Variants in DNAH2 observed in about 807,000 individuals in gnomAD.
DNAH2 encodes axonemal beta dynein heavy chain 2.
In DNAH2, 323 loss-of-function variants were observed where a neutral mutation model predicts 523.5. That is an observed-to-expected ratio of 0.62 (90% CI 0.56 to 0.68). The LOEUF (loss-of-function observed/expected upper bound fraction) is 0.68, where lower values mean the gene tolerates loss of function less well. DNAH2 is among the 30% of genes least tolerant of loss of function. The pLI, the probability that DNAH2 is intolerant of heterozygous loss-of-function variation, is 0.00. For synonymous variants in DNAH2, 2,093 were observed against 2,177.4 expected (o/e 0.96, Z 1.08); for missense variants, 4,907 against 5,701.5 (o/e 0.86, Z 4.49).
chr17:7,757,934 T>C (rs985984534), intron 13 of DNAH2, among the ~76,000 whole-genome samples: 1 of 152,194 alleles, frequency 6.6e-6, no homozygotes, highest in African/African-American at 2.4e-5. Flanking sequence ...CTTCATGACC[T>C]AATCACCTCC....
chr17:7,761,022 G>A, intron 18 of DNAH2, 90 bp downstream of exon 18: 2 of 1,497,858 alleles, frequency 1.3e-6, no homozygotes, highest in Admixed American at 2.0e-5. Flanking sequence ...AAGTGGGTAG[G>A]GGAGCTGAGG....
intron 63 of DNAH2, among the ~76,000 whole-genome samples, chr17:7,813,295 G>A (rs1355716829): frequency 6.6e-6 from 1 of 151,274 alleles, no homozygotes; most frequent in Admixed American, 6.6e-5. Context: ...GGGTCTTGCT[G>A]TGCTGCTACG....
Position 7,833,071 on chromosome 17 carries a change from G to T in DNAH2, c.12979G>T (p.Asp4327Tyr). The change falls in exon 85 of 86, where the codon GAT (aspartate) becomes TAT (tyrosine). Residue 4327 changes from aspartate (D) to tyrosine (Y), a missense_variant and splice_region_variant. Physicochemically the swap from Asp to Tyr is radical, Grantham distance 160. Around this residue, in one of 3 missense-constraint regions of DNAH2, gnomAD observed 1,851 missense variants for 2,139.4 expected, o/e 0.87. Coordinates refer to ENST00000572933, the MANE Select transcript of DNAH2 (RefSeq NM_020877.5). ...DDSNLVYPPK[D>Y]GVWVRGLYLE... ...CAGACCTGCTCCCATTTCTCCCCAG[G>T]ATGGTGTCTGGGTCCGGGGCCTGTA... is the stretch of plus-strand genomic sequence containing the variant. 6.2e-7 allele frequency: 1 copy of T among 1,613,476 alleles called. No individual in the cohort carries two copies. The highest frequency in any genetic ancestry group is 8.5e-7 in the Non-Finnish European group (1 of 1,180,040).
rs138674607 is a variant in DNAH2, at chr17:7,808,892, G to A, written c.9729+1306G>A. On this transcript the variant is annotated intron_variant, in intron 63 of 85. Transcript: ENST00000572933. Reference sequence around the variant, plus strand: ...CTCAAAGTGCTGGGATTACAGGCATGAGCCACTGCCCCCAGCCTGCACCTT... The same window carrying A: ...CTCAAAGTGCTGGGATTACAGGCATAAGCCACTGCCCCCAGCCTGCACCTT... Among the ~76,000 whole-genome samples, 4 of 152,354 alleles carry A rather than the reference G, an allele frequency of 2.6e-5. No homozygotes were observed. The East Asian group carries it at 7.7e-4, about 29-fold the overall frequency.
At position 7,774,845 on chromosome 17, in the gene DNAH2, A is replaced by G. The variant is rs1265223044; in HGVS notation, c.4588A>G (p.Ile1530Val). 1 of 1,614,166 alleles carries G rather than the reference A, an allele frequency of 6.2e-7. No homozygotes were observed. Among genetic ancestry groups the G allele is most frequent in the South Asian group, 1.1e-5 (1 of 91,080 alleles). ...TATGTATTTAGAGACCAAGCGACAT[A>G]TTTTCCCCCGCTTCTACTTCTTGTC... ...LDMYLETKRH[I>V]FPRFYFLSND... The change falls in exon 29 of 86, where the codon ATT (isoleucine) becomes GTT (valine). Residue 1530 changes from isoleucine (I) to valine (V), a missense_variant. By Grantham distance (29) the Ile-to-Val change is conservative. Transcript: ENST00000572933.
At chr17:7,764,930 C>T (rs1360732216) in intron 20 of DNAH2, among the ~76,000 whole-genome samples, 1 of 147,994 alleles carries the variant, frequency 6.8e-6, no homozygotes, top group Non-Finnish European at 1.5e-5. Context: ...GCAGCCTCAA[C>T]TTCCTGGGCT....
At chr17:7,795,746 C>T (rs2077044038) in intron 49 of DNAH2, among the ~76,000 whole-genome samples, 1 of 147,238 alleles carries the variant, frequency 6.8e-6, no homozygotes, top group Admixed American at 6.8e-5. Context: ...CCTGTAATCC[C>T]AGCACTTTGG....
intron 4 of DNAH2, 23 bp downstream of exon 4, chr17:7,727,315 T>C (rs752116524): frequency 6.3e-7 from 1 of 1,590,492 alleles, no homozygotes; most frequent in Admixed American, 1.9e-5. Flanking sequence ...CATTCCCAGA[T>C]CAAAGGTGGT....
intron 58 of DNAH2, among the ~76,000 whole-genome samples, chr17:7,803,690 G>A (rs776360906): frequency 6.6e-6 from 1 of 150,728 alleles, no homozygotes; most frequent in Admixed American, 6.6e-5. Flanking sequence ...ATCAGAAATT[G>A]TGGGGCAGGT....
chr17:7,793,513 T>TC (rs1419100198), intron 48 of DNAH2, among the ~76,000 whole-genome samples: 4 of 129,078 alleles, frequency 3.1e-5, no homozygotes, highest in African/African-American at 7.9e-5. Context: ...CTTTCTTTCT[T>TC]TCTTCTCTTT....
intron 12 of DNAH2, among the ~76,000 whole-genome samples, chr17:7,753,400 C>T (rs2075744347): frequency 6.6e-6 from 1 of 152,034 alleles, no homozygotes. Context: ...GCAGCCGAAG[C>T]CATGGGAGTG....
rs775267694 is a variant in DNAH2 at position 7,807,520 on chromosome 17, C to T, written c.9663C>T (p.Asn3221=). The change falls in exon 63 of 86, where the codon AAC becomes AAT. Residue 3221 remains asparagine (N), a synonymous_variant. Transcript: ENST00000572933. This position sits in a 1 kb window ranked among gnomAD's most constrained non-coding sequence, Gnocchi z 5.6. ...TGGAGCCCAAGCGAATCCGAATGAA[C>T]GCTGCCTTGGCTCAGCTTCGGGAGA... ...RVVEPKRIRM[N]AALAQLREKQ... is the part of the protein sequence containing the mutation. The T allele has an allele frequency of 3.5e-5, 57 of 1,613,398 alleles. No individual in the cohort carries two copies. The Middle Eastern group carries it at 3.9e-3, about 112-fold the overall frequency.
chr17:7,823,910 C>A lies in DNAH2; in HGVS notation c.11406C>A (p.Phe3802Leu), dbSNP rs2077941346. ...CCCTGCGCCAGGACCGCGTGGCCTT[C>A]TGCGTGACCTCCTTCATCATCACCA... ...VRSLRQDRVA[F>L]CVTSFIITNL... Residue 3802 changes from phenylalanine to leucine, a missense_variant, in exon 75 of 86, where the codon TTC becomes TTA. Phe to Leu is a conservative substitution (Grantham distance 22). Transcript: ENST00000572933. The A allele has an allele frequency of 6.2e-7, 1 of 1,614,104 alleles. No individual in the cohort carries two copies. Among genetic ancestry groups the A allele is most frequent in the African/African-American group, 1.3e-5 (1 of 75,062 alleles).
chr17:7,752,526 T>C (rs1013683278), intron 12 of DNAH2, among the ~76,000 whole-genome samples: 3 of 151,998 alleles, frequency 2.0e-5, no homozygotes, highest in African/African-American at 4.8e-5. Flanking sequence ...CTGGCTAACA[T>C]GGTGAAACCC....
rs745509511 is a variant in DNAH2 at position 7,740,504 on chromosome 17, C to A, written c.1461C>A (p.His487Gln). 5.0e-6 allele frequency: 8 copies of A among 1,614,064 alleles called. No homozygotes were observed. The African/African-American group carries it at 5.3e-5, about 11-fold the overall frequency. ...TCGAGTTGGTGCGGGACGTGCCGCA[C>A]GGCGTGCTTCTGCTGGACACCTTCC... ...SAFELVRDVPHGVLLLDTFHR... is the reference protein window; with the variant it reads ...SAFELVRDVPQGVLLLDTFHR... Residue 487 changes from histidine to glutamine, a missense_variant, in exon 10 of 86, where the codon CAC (histidine) becomes CAA (glutamine). By Grantham distance (24) the His-to-Gln change is conservative. Transcript: ENST00000572933.
At position 7,787,881 on chromosome 17, in the gene DNAH2, G is replaced by A. The variant is rs1351188020; in HGVS notation, c.6625G>A (p.Glu2209Lys). 3 of 1,613,910 alleles carry A rather than the reference G, an allele frequency of 1.9e-6. No individual in the cohort carries two copies. The highest frequency in any genetic ancestry group is 2.5e-6 in the Non-Finnish European group (3 of 1,179,944). Residue 2209 changes from glutamate (E) to lysine (K), a missense_variant, in exon 43 of 86, where the codon GAG becomes AAG. By Grantham distance (56) the Glu-to-Lys change is moderately conservative (BLOSUM62 1). Around this residue, in one of 3 missense-constraint regions of DNAH2, gnomAD observed 2,806 missense variants for 3,190.8 expected, o/e 0.88. Coordinates refer to ENST00000572933, the MANE Select transcript of DNAH2 (RefSeq NM_020877.5). ...PEQVSLLFEV[E>K]DLAMASPATV... Reference sequence around the variant, plus strand: ...TTAGGTGTCTCTCCTGTTTGAAGTGGAGGACCTGGCAATGGCCTCTCCGGC... The same window carrying A: ...TTAGGTGTCTCTCCTGTTTGAAGTGAAGGACCTGGCAATGGCCTCTCCGGC...
At chr17:7,743,254 A>C (rs2075407997) in intron 12 of DNAH2, 112 bp downstream of exon 12, 2 of 1,165,770 alleles carry the variant, frequency 1.7e-6, no homozygotes, top group Non-Finnish European at 2.5e-6. Context: ...TTTCTCATAC[A>C]ATATGTTTGC....
At chr17:7,775,892 C>G in intron 30 of DNAH2, 132 bp from the exon 31 acceptor site, 1 of 1,232,708 alleles carries the variant, frequency 8.1e-7, no homozygotes, top group Non-Finnish European at 1.1e-6. Flanking sequence ...GGAACGCAAG[C>G]CAGCTGTTGG....
chr17:7,788,431 C>T (rs1192799978), intron 44 of DNAH2, among the ~76,000 whole-genome samples, 187 bp downstream of exon 44: 1 of 152,102 alleles, frequency 6.6e-6, no homozygotes, highest in Non-Finnish European at 1.5e-5. Flanking sequence ...TGTGTGTGTG[C>T]ACGTGTGCAT....
Sources: allele counts gnomAD v4.1 joint callset (sites outside exome capture counted in the v4.1 genomes callset), GRCh38; gene constraint gnomAD v4.1.1; regional missense constraint gnomAD v4.1.1; non-coding constraint Gnocchi (gnomAD v3.1); transcripts MANE v1.5; gene names NCBI Gene and HGNC (gene_info 2026-07-23, HGNC 2026-07-21).